Variants in ARMC9 observed in about 807,000 individuals in gnomAD.
ARMC9 encodes armadillo repeat containing 9.
In ARMC9, 94 loss-of-function variants were observed where a neutral mutation model predicts 107.0. That is an observed-to-expected ratio of 0.88 (90% CI 0.74 to 1.04). The LOEUF (loss-of-function observed/expected upper bound fraction) is 1.04, where lower values mean the gene tolerates loss of function less well. Ranked by LOEUF, ARMC9 falls within the 50% of genes least tolerant of loss-of-function variation. ARMC9 has a pLI of 0.00. For synonymous variants in ARMC9, 380 were observed against 396.9 expected (o/e 0.96, Z 0.51); for missense variants, 942 against 1,030.1 (o/e 0.91, Z 1.17).
intron 19 of ARMC9, among the ~76,000 whole-genome samples, chr2:231,304,249 TATC>T (rs1449409717): frequency 2.6e-5 from 4 of 152,174 alleles, no homozygotes; most frequent in Non-Finnish European, 4.4e-5. Flanking sequence ...TCATTATTAT[TATC>T]ATATTGCTTT....
intron 9 of ARMC9, among the ~76,000 whole-genome samples, chr2:231,248,689 C>T (rs1383444011): frequency 2.6e-5 from 4 of 151,696 alleles, no homozygotes; most frequent in Non-Finnish European, 5.9e-5. Flanking sequence ...CACCTATAAT[C>T]CTAGCTACTC....
chr2:231,276,765 C>G lies in ARMC9; in HGVS notation c.1464C>G (p.Leu488=). ...TGGCTTTGCTCATGAACCTCTGCCT[C>G]CGCAGCACAGGTCTCAGCCCCGACC... The part of the protein sequence containing the change: ...YSVALLMNLC[L]RSTGKNMCAK... The change falls in exon 15 of 25, where the codon CTC becomes CTG. Residue 488 remains leucine (L), a synonymous_variant. Coordinates refer to ENST00000611582, the MANE Select transcript of ARMC9 (RefSeq NM_001352754.2). 6.2e-7 allele frequency: 1 copy of G among 1,614,112 alleles called. No individual in the cohort carries two copies. The highest frequency in any genetic ancestry group is 8.5e-7 in the Non-Finnish European group (1 of 1,180,024).
At chr2:231,252,736 A>G (rs1002692121) in intron 9 of ARMC9, among the ~76,000 whole-genome samples, 3 of 151,846 alleles carry the variant, frequency 2.0e-5, no homozygotes, top group Admixed American at 2.0e-4. Flanking sequence ...TCCCAGGCTC[A>G]AGCAATCCTC....
At chr2:231,202,860 C>T (rs1022485675) in intron 1 of ARMC9, among the ~76,000 whole-genome samples, 1 of 152,142 alleles carries the variant, frequency 6.6e-6, no homozygotes. Flanking sequence ...TTAATAAGGA[C>T]ATTCTGTTCC....
chr2:231,311,322 C>T (rs2042333991), intron 19 of ARMC9, among the ~76,000 whole-genome samples: 1 of 151,994 alleles, frequency 6.6e-6, no homozygotes, highest in African/African-American at 2.4e-5. Context: ...TTCACACTAC[C>T]TTTTATTCTG....
intron 19 of ARMC9, among the ~76,000 whole-genome samples, chr2:231,306,517 A>G (rs531071512): frequency 1.3e-5 from 2 of 152,346 alleles, no homozygotes; most frequent in Admixed American, 6.5e-5. Flanking sequence ...AGAAATAGAA[A>G]AATGTGGCTG....
Position 231,370,102 on chromosome 2 carries a change from C to T in ARMC9, c.2411C>T (p.Ala804Val), listed in dbSNP as rs1477308302. Reference sequence around the variant, plus strand: ...CAGGCCAGCCGCCCCGGCTCCACAGCGTCCTCCACAAGGGGCCTGCCGAGT... The same window carrying T: ...CAGGCCAGCCGCCCCGGCTCCACAGTGTCCTCCACAAGGGGCCTGCCGAGT... ...PQQASRPGST[A>V]SSTRGLPSSQ... is the part of the protein sequence containing the mutation. The change falls in exon 24 of 25, where the codon GCG becomes GTG. Residue 804 changes from alanine to valine, a missense_variant. By Grantham distance (64) the Ala-to-Val change is moderately conservative. Coordinates refer to ENST00000611582, the MANE Select transcript of ARMC9 (RefSeq NM_001352754.2). 10 of 1,532,540 alleles carry T rather than the reference C, an allele frequency of 6.5e-6. No individual in the cohort carries two copies. Among genetic ancestry groups the T allele is most frequent in the Middle Eastern group, 1.7e-4 (1 of 5,998 alleles). 94.9% of individuals were successfully genotyped at this position (1,532,540 alleles called of 1,614,324 possible). A position where few individuals can be genotyped will look rare whatever the true frequency, so the allele number is the denominator to read the frequency against.
chr2:231,235,290 G>A lies in ARMC9; in HGVS notation c.689G>A (p.Arg230Gln), dbSNP rs1209730135. The A allele has an allele frequency of 6.2e-7, 1 of 1,614,162 alleles. No homozygotes were observed. The highest frequency in any genetic ancestry group is 8.5e-7 in the Non-Finnish European group (1 of 1,180,032). The change falls in exon 8 of 25, where the codon CGG becomes CAG. Residue 230 changes from arginine (R) to glutamine (Q), a missense_variant. Transcript: ENST00000611582. ...CGTAGGTCAGTGACATACCTCAAAC[G>A]GTACAATAAGATCCAGGCCGACTAC... ...AERRSVTYLKRYNKIQADYHN... is the reference protein window; with the variant it reads ...AERRSVTYLKQYNKIQADYHN...
chr2:231,291,966 C>T (rs567819972), intron 18 of ARMC9, among the ~76,000 whole-genome samples: 1 of 151,864 alleles, frequency 6.6e-6, no homozygotes, highest in Admixed American at 6.6e-5. Flanking sequence ...GTCAGGAGTT[C>T]GAGACCAGCC....
chr2:231,260,874 C>T (rs1291176421), intron 11 of ARMC9, among the ~76,000 whole-genome samples: 1 of 152,228 alleles, frequency 6.6e-6, no homozygotes, highest in African/African-American at 2.4e-5. Flanking sequence ...GAACAGGTTT[C>T]TAATGTTTTT....
At chr2:231,240,211 AC>A in intron 9 of ARMC9, 170 bp downstream of exon 9, 2 of 667,514 alleles carry the variant, frequency 3.0e-6, no homozygotes, top group Non-Finnish European at 5.1e-6. Flanking sequence ...TGAAGAGGGT[AC>A]AGCTGAAAGC....
intron 19 of ARMC9, among the ~76,000 whole-genome samples, chr2:231,301,820 A>G (rs2041746725): frequency 6.6e-6 from 1 of 152,130 alleles, no homozygotes; most frequent in African/African-American, 2.4e-5. Context: ...CTCTACTAAA[A>G]ATACAAAAAT....
intron 1 of ARMC9, among the ~76,000 whole-genome samples, chr2:231,199,976 G>T (rs971646907): frequency 1.3e-5 from 2 of 152,152 alleles, no homozygotes; most frequent in Non-Finnish European, 2.9e-5. Context: ...GGGATTACAG[G>T]TGTGAGCCAC....
chr2:231,226,381 A>G (rs990224354), intron 6 of ARMC9, among the ~76,000 whole-genome samples: 1 of 152,186 alleles, frequency 6.6e-6, no homozygotes, highest in Non-Finnish European at 1.5e-5. Context: ...CTCAATATCA[A>G]TTTCCTTAGG....
rs757158874 is a variant in ARMC9, at chr2:231,222,693, C to T, written c.505-35C>T. 5.8e-6 allele frequency: 7 copies of T among 1,211,850 alleles called. No homozygotes were observed. The South Asian group carries it at 7.6e-5, about 13-fold the overall frequency. The allele number at this position is 1,211,850 out of a possible 1,614,324, so 75.1% of individuals were successfully genotyped here. On this transcript the variant is annotated intron_variant, in intron 5 of 24. Coordinates refer to ENST00000611582, the MANE Select transcript of ARMC9 (RefSeq NM_001352754.2). ...GATGATGCTATTGGTACTTAGTAAT[C>T]TAATGTTTGTATTTTTGTTCCCTTT...
intron 23 of ARMC9, among the ~76,000 whole-genome samples, chr2:231,363,011 C>T (rs879540910): frequency 7.2e-5 from 11 of 152,166 alleles, no homozygotes; most frequent in Admixed American, 5.2e-4. Context: ...GCACAGAGAG[C>T]GTGCAGGGCC....
intron 17 of ARMC9, among the ~76,000 whole-genome samples, chr2:231,283,324 T>G (rs2040355135): frequency 6.6e-6 from 1 of 152,170 alleles, no homozygotes; most frequent in African/African-American, 2.4e-5. Flanking sequence ...AACGTAACAG[T>G]AAGGTGTCTA....
intron 21 of ARMC9, 145 bp from the exon 22 acceptor site, chr2:231,355,652 CT>C (rs2045310253): frequency 1.9e-6 from 2 of 1,047,324 alleles, no homozygotes; most frequent in East Asian, 5.3e-5. Context: ...TGCCAAGACC[CT>C]TTAGAAGGTC....
chr2:231,276,512 C>G (rs543173142), intron 14 of ARMC9, 124 bp from the exon 15 acceptor site: 2 of 1,302,580 alleles, frequency 1.5e-6, no homozygotes. Flanking sequence ...TCAGGTGATC[C>G]GTCCGCCTTG....
Sources: gnomAD v4.1 joint callset for allele counts (sites outside exome capture counted in the v4.1 genomes callset) on GRCh38, gnomAD v4.1.1 for gene constraint, MANE v1.5 for transcripts, NCBI Gene and HGNC (gene_info 2026-07-23, HGNC 2026-07-21) for gene names.